AKT3: variants seen among roughly 807,000 people sequenced by gnomAD.
The protein encoded by AKT3 is RAC-gamma serine/threonine-protein kinase.
Under a neutral mutation model 65.3 loss-of-function variants are expected in AKT3, and 15 were observed. That is an observed-to-expected ratio of 0.23 (90% CI 0.15 to 0.35). The LOEUF (loss-of-function observed/expected upper bound fraction) is 0.35, where lower values mean the gene tolerates loss of function less well. AKT3 is among the 10% of genes least tolerant of loss of function. AKT3 has a pLI of 1.00. For synonymous variants in AKT3, 206 were observed against 183.8 expected (o/e 1.12, Z -0.98); for missense variants, 243 against 576.5 (o/e 0.42, Z 5.92).
At chr1:243,644,620 A>C (rs925547808) in intron 5 of AKT3, among the ~76,000 whole-genome samples, 1 of 152,222 alleles carries the variant, frequency 6.6e-6, no homozygotes. Flanking sequence ...GTCCACATAA[A>C]GATAATTAAA....
At chr1:243,671,171 G>A (rs1053883449) in intron 3 of AKT3, among the ~76,000 whole-genome samples, 14 of 149,064 alleles carry the variant, frequency 9.4e-5, no homozygotes, top group African/African-American at 2.2e-4. Context: ...TCCACCTCCC[G>A]GGTTCATGCC....
intron 2 of AKT3, among the ~76,000 whole-genome samples, chr1:243,757,920 C>T (rs1689240014): frequency 1.3e-5 from 2 of 152,070 alleles, no homozygotes; most frequent in Non-Finnish European, 2.9e-5. Context: ...GCCACCACAT[C>T]CAGCTAATTT....
At chr1:243,515,012 T>G (rs1276715209) in intron 12 of AKT3, among the ~76,000 whole-genome samples, 1 of 152,228 alleles carries the variant, frequency 6.6e-6, no homozygotes, top group Admixed American at 6.5e-5. Flanking sequence ...ATGACTGATT[T>G]GCTTGTATTT....
At chr1:243,848,369 C>T (rs1695605781) in intron 1 of AKT3, among the ~76,000 whole-genome samples, 1 of 152,104 alleles carries the variant, frequency 6.6e-6, no homozygotes, top group Admixed American at 6.5e-5. Flanking sequence ...AAACTAGTAA[C>T]TTAGTAATAA....
chr1:243,685,417 C>A (rs561700311), intron 3 of AKT3, among the ~76,000 whole-genome samples: 6 of 152,246 alleles, frequency 3.9e-5, no homozygotes, highest in South Asian at 4.1e-4. Flanking sequence ...TTTCCCAACA[C>A]CATTTATTAA....
At chr1:243,666,368 G>GT (rs1682779575) in intron 3 of AKT3, among the ~76,000 whole-genome samples, 2 of 152,216 alleles carry the variant, frequency 1.3e-5, no homozygotes, top group South Asian at 4.1e-4. Flanking sequence ...TCTCTGCTTA[G>GT]TTTTCTAACA....
At chr1:243,827,724 GA>G (rs1398760692) in intron 2 of AKT3, among the ~76,000 whole-genome samples, 1 of 152,050 alleles carries the variant, frequency 6.6e-6, no homozygotes, top group African/African-American at 2.4e-5. Context: ...TTTCATTTAA[GA>G]AAAAGTGTTG....
intron 2 of AKT3, among the ~76,000 whole-genome samples, chr1:243,731,253 A>G (rs1687546892): frequency 6.6e-6 from 1 of 152,242 alleles, no homozygotes; most frequent in Admixed American, 6.5e-5. Context: ...ATGTTGTTGT[A>G]GCAGCTCATG....
intron 8 of AKT3, among the ~76,000 whole-genome samples, chr1:243,604,132 T>A (rs1310314922): frequency 6.6e-6 from 1 of 152,020 alleles, no homozygotes; most frequent in Admixed American, 6.6e-5. Context: ...TGGCCTCAGG[T>A]GATCCACCCA....
intron 2 of AKT3, among the ~76,000 whole-genome samples, chr1:243,825,494 C>T (rs1572413503): frequency 6.6e-6 from 1 of 152,044 alleles, no homozygotes; most frequent in African/African-American, 2.4e-5. Flanking sequence ...GGGATAATAA[C>T]CATTAAAATA....
At chr1:243,569,571 ACT>A (rs1307309732) in intron 9 of AKT3, among the ~76,000 whole-genome samples, 2 of 151,740 alleles carry the variant, frequency 1.3e-5, no homozygotes, top group Middle Eastern at 3.4e-3. Context: ...CTATGATAAA[ACT>A]CTCTGAAGCC....
chr1:243,641,829 G>A (rs915723267), intron 5 of AKT3, among the ~76,000 whole-genome samples: 57 of 152,098 alleles, frequency 3.7e-4, no homozygotes, highest in African/African-American at 1.3e-3. Context: ...CCAGCTACCT[G>A]GGAGGCTGAG....
intron 2 of AKT3, among the ~76,000 whole-genome samples, chr1:243,708,829 G>C (rs977530850): frequency 3.3e-5 from 5 of 151,916 alleles, no homozygotes; most frequent in African/African-American, 1.2e-4. Flanking sequence ...CAGTTCCAAA[G>C]TGTCTTCTTA....
chr1:243,809,536 G>T (rs542879001), intron 2 of AKT3, among the ~76,000 whole-genome samples: 9 of 152,248 alleles, frequency 5.9e-5, no homozygotes, highest in Middle Eastern at 3.4e-3. Flanking sequence ...CATAAAGCAA[G>T]ACCTTAGAGA....
chr1:243,728,990 T>C (rs998467475), intron 2 of AKT3, among the ~76,000 whole-genome samples: 1 of 152,084 alleles, frequency 6.6e-6, no homozygotes, highest in Admixed American at 6.5e-5. Context: ...CAAGGTTGGG[T>C]TTCAAGAATT....
rs185306168 is a variant in AKT3 at position 243,736,396 on chromosome 1, A to G, written c.47-40680T>C. ...CCAAAAACCTGGGGTCAAGAAAAAC[A>G]TAAAAGGCCTTAAATGGCTGTACTT... On this transcript the variant is annotated intron_variant, in intron 2 of 13. Coordinates refer to ENST00000673466, the MANE Select transcript of AKT3 (RefSeq NM_005465.7). 2.6e-5 allele frequency among the ~76,000 whole-genome samples: 4 copies of G among 152,320 alleles called. No individual in the cohort carries two copies. The East Asian group carries it at 7.7e-4, about 29-fold the overall frequency.
At chr1:243,819,825 T>G (rs1411901989) in intron 2 of AKT3, among the ~76,000 whole-genome samples, 2 of 152,154 alleles carry the variant, frequency 1.3e-5, no homozygotes, top group African/African-American at 4.8e-5. Flanking sequence ...TGCAGCCCCC[T>G]CTGGTGACAT....
At chr1:243,824,777 GA>G (rs1349680003) in intron 2 of AKT3, among the ~76,000 whole-genome samples, 1 of 152,202 alleles carries the variant, frequency 6.6e-6, no homozygotes, top group African/African-American at 2.4e-5. Flanking sequence ...AGGCTGTGGA[GA>G]AAGAGGAACA....
At chr1:243,701,470 C>T (rs765977769) in intron 2 of AKT3, among the ~76,000 whole-genome samples, 2 of 152,100 alleles carry the variant, frequency 1.3e-5, no homozygotes, top group Non-Finnish European at 2.9e-5. Flanking sequence ...GCTAAAAACA[C>T]AATCGGGTAG....
Sources: gnomAD v4.1 joint callset for allele counts (sites outside exome capture counted in the v4.1 genomes callset) on GRCh38, gnomAD v4.1.1 for gene constraint, MANE v1.5 for transcripts, NCBI Gene and HGNC (gene_info 2026-07-23, HGNC 2026-07-21) for gene names.